MACROD1: variants seen among roughly 807,000 people sequenced by gnomAD.
MACROD1 encodes the protein ADP-ribose glycohydrolase MACROD1.
In MACROD1, 31 loss-of-function variants were observed where a neutral mutation model predicts 41.4. The ratio of observed to expected loss-of-function variants is 0.75; its 90% confidence interval spans 0.56 to 1.01. The LOEUF is 1.01. Ranked by LOEUF, MACROD1 falls within the 50% of genes least tolerant of loss-of-function variation. MACROD1 has a pLI of 0.00. For missense variants in MACROD1, 473 were observed against 460.0 expected, an observed-to-expected ratio of 1.03 and a Z score of -0.26; for synonymous variants, 252 against 203.4, an observed-to-expected ratio of 1.24 and a Z score of -2.03.
chr11:64,077,368 C>T (rs1470499664), intron 3 of MACROD1, among the ~76,000 whole-genome samples: 2 of 152,196 alleles, frequency 1.3e-5, no homozygotes, highest in Non-Finnish European at 2.9e-5. Context: ...GAATTGGGGG[C>T]CCCTGTCACG....
chr11:64,165,727 T>C lies in MACROD1; in HGVS notation c.268A>G (p.Ser90Gly). 6.7e-7 allele frequency: 1 copy of C among 1,490,352 alleles called. No homozygotes were observed. The highest frequency in any genetic ancestry group is 1.3e-5 in the South Asian group (1 of 74,822). The allele number at this position is 1,490,352 out of a possible 1,614,324, so 92.3% of individuals were successfully genotyped here. A position where few individuals can be genotyped will look rare whatever the true frequency, so the allele number is the denominator to read the frequency against. ...GCCTCCTTCCAGTCGGTGGAGGTGCTCAGGTCCACCTTCGCCGCCATGGCC... is the reference window on the plus strand; with the variant it reads ...GCCTCCTTCCAGTCGGTGGAGGTGCCCAGGTCCACCTTCGCCGCCATGGCC... ...PLAMAAKVDLSTSTDWKEAKS... is the reference protein window; with the variant it reads ...PLAMAAKVDLGTSTDWKEAKS... The change falls in exon 1 of 11, where the codon AGC becomes GGC. Residue 90 changes from serine (S) to glycine (G), a missense_variant. Ser to Gly is a moderately conservative substitution (Grantham distance 56, BLOSUM62 0). Transcript: ENST00000255681.
chr11:64,035,938 T>G (rs1392757077), intron 3 of MACROD1: 1 of 143,138 alleles, frequency 7.0e-6, no homozygotes, highest in African/African-American at 2.6e-5. Context: ...CCCGCACTCC[T>G]CCCGCGGCTC....
intron 1 of MACROD1, among the ~76,000 whole-genome samples, chr11:64,157,453 T>TA (rs1262383352): frequency 6.6e-6 from 1 of 152,216 alleles, no homozygotes; most frequent in Non-Finnish European, 1.5e-5. Flanking sequence ...AATGCAGACT[T>TA]AAAGCACAAG....
chr11:64,097,922 C>T (rs1944606187), intron 3 of MACROD1, among the ~76,000 whole-genome samples: 2 of 152,132 alleles, frequency 1.3e-5, no homozygotes, highest in African/African-American at 4.8e-5. Context: ...CTCAGCTGCC[C>T]TCCAGTGAGG....
intron 3 of MACROD1, among the ~76,000 whole-genome samples, chr11:64,075,977 C>G (rs1944193417): frequency 6.6e-6 from 1 of 152,352 alleles, no homozygotes; most frequent in Non-Finnish European, 1.5e-5. Flanking sequence ...CCCGGCCTGG[C>G]CCTGTCTTCT....
intron 3 of MACROD1, among the ~76,000 whole-genome samples, chr11:64,108,975 G>A (rs1309600029): frequency 6.6e-6 from 1 of 152,190 alleles, no homozygotes; most frequent in South Asian, 2.1e-4. Context: ...AGGGGCAAGT[G>A]GGGGTGGGGG....
At position 64,090,915 on chromosome 11, in the gene MACROD1, A is replaced by G. The variant is rs2253396; in HGVS notation, c.517+60324T>C. Among the ~76,000 whole-genome samples the G allele has an allele frequency of 0.96, 146,155 of 151,868 alleles. 70,559 individuals carry two copies. Among genetic ancestry groups the G allele is most frequent in the Middle Eastern group, 1 (294 of 294 alleles). On this transcript the variant is annotated intron_variant, in intron 3 of 10. Coordinates refer to ENST00000255681, the MANE Select transcript of MACROD1 (RefSeq NM_014067.4). The surrounding 1 kb of genome is among the most constrained non-coding windows in gnomAD (Gnocchi z 4.7). ...AGGGGGAGGGACAGCCAGGGTGGTC[A>G]CAGTTTGGTCTGCCCTGTAGGGGGC...
chr11:64,070,447 G>T (rs1445312935), intron 3 of MACROD1, among the ~76,000 whole-genome samples: 2 of 152,182 alleles, frequency 1.3e-5, no homozygotes, highest in Non-Finnish European at 2.9e-5. Flanking sequence ...GACTGCAAGG[G>T]ATAAAACGCC....
At chr11:64,029,766 C>T (rs1467629125) in intron 3 of MACROD1, among the ~76,000 whole-genome samples, 1 of 152,222 alleles carries the variant, frequency 6.6e-6, no homozygotes, top group Non-Finnish European at 1.5e-5. Context: ...TTCACATCTC[C>T]TTCCTGAACT....
chr11:63,999,411 C>G lies in MACROD1; in HGVS notation c.818-7G>C, dbSNP rs751161811. The G allele has an allele frequency of 2.6e-6, 4 of 1,567,406 alleles. No individual in the cohort carries two copies. Among genetic ancestry groups the G allele is most frequent in the Non-Finnish European group, 3.4e-6 (4 of 1,160,074 alleles). On this transcript the variant is annotated splice_polypyrimidine_tract_variant and splice_region_variant and intron_variant, in intron 7 of 10. Coordinates refer to ENST00000255681, the MANE Select transcript of MACROD1 (RefSeq NM_014067.4). The stretch of plus-strand genomic sequence containing the variant: ...GCCGCCTCACAGGGGTAGCCTGAGG[C>G]GGGTGGGGCGGGAGTGAGTCCTAGG...
chr11:64,123,497 T>C (rs1410493747), intron 3 of MACROD1, among the ~76,000 whole-genome samples: 1 of 137,316 alleles, frequency 7.3e-6, no homozygotes, highest in African/African-American at 2.7e-5. Context: ...CCCAAGTGGC[T>C]ATCTGCATAG....
At chr11:64,116,636 C>G in intron 3 of MACROD1, 3 of 1,614,166 alleles carry the variant, frequency 1.9e-6, no homozygotes, top group Non-Finnish European at 2.5e-6. Flanking sequence ...AGTTCCCCAT[C>G]AACCTGCCCC....
At chr11:64,110,740 G>C (rs1565237188) in intron 3 of MACROD1, among the ~76,000 whole-genome samples, 1 of 152,200 alleles carries the variant, frequency 6.6e-6, no homozygotes, top group South Asian at 2.1e-4. Context: ...AGGGATCCAC[G>C]CAAGGGCGAC....
intron 3 of MACROD1, among the ~76,000 whole-genome samples, chr11:64,105,019 G>A (rs1162837756): frequency 6.6e-6 from 1 of 152,242 alleles, no homozygotes; most frequent in Non-Finnish European, 1.5e-5. Flanking sequence ...TCAGGAGAGG[G>A]GTTGATTTAT....
chr11:64,001,440 A>G lies in MACROD1; in HGVS notation c.548-1097T>C, dbSNP rs1346903672. 4.3e-6 allele frequency: 3 copies of G among 702,278 alleles called. No individual in the cohort carries two copies. In the Admixed American group the frequency reaches 6.0e-5, roughly 14 times the overall value. The allele number at this position is 702,278 out of a possible 1,614,324, so 43.5% of individuals were successfully genotyped here. A position where few individuals can be genotyped will look rare whatever the true frequency, so the allele number is the denominator to read the frequency against. Reference sequence around the variant, plus strand: ...AGGCGGGCATCAAGAGAGGACCATCATTCCCCATTTTACAGATGGACAAAC... The same window carrying G: ...AGGCGGGCATCAAGAGAGGACCATCGTTCCCCATTTTACAGATGGACAAAC... On this transcript the variant is annotated intron_variant, in intron 4 of 10. Coordinates refer to ENST00000255681, the MANE Select transcript of MACROD1 (RefSeq NM_014067.4).
At chr11:64,079,678 G>A (rs1590878119) in intron 3 of MACROD1, among the ~76,000 whole-genome samples, 1 of 152,172 alleles carries the variant, frequency 6.6e-6, no homozygotes, top group South Asian at 2.1e-4. Flanking sequence ...ACCCCTGGAG[G>A]AGGTGTGGTT....
chr11:64,007,275 C>T (rs571022236), intron 4 of MACROD1, among the ~76,000 whole-genome samples: 2 of 152,156 alleles, frequency 1.3e-5, no homozygotes, highest in African/African-American at 4.8e-5. Context: ...ACGGGACACG[C>T]GGCTCTAAGT....
intron 3 of MACROD1, among the ~76,000 whole-genome samples, chr11:64,100,972 G>T (rs1944660675): frequency 6.6e-6 from 1 of 152,152 alleles, no homozygotes; most frequent in Non-Finnish European, 1.5e-5. Context: ...TGGAGAGTTT[G>T]GTGGGTGCAT....
At chr11:64,105,585 G>C (rs777250878) in intron 3 of MACROD1, among the ~76,000 whole-genome samples, 23 of 152,174 alleles carry the variant, frequency 1.5e-4, no homozygotes, top group Non-Finnish European at 3.2e-4. Context: ...ACCCAGCCCT[G>C]CCAGCTACTC....
Sources: allele counts gnomAD v4.1 joint callset (sites outside exome capture counted in the v4.1 genomes callset), GRCh38; gene constraint gnomAD v4.1.1; non-coding constraint Gnocchi (gnomAD v3.1); transcripts MANE v1.5; gene names NCBI Gene and HGNC (gene_info 2026-07-23, HGNC 2026-07-21).